Variants in SPACA9 observed in about 807,000 individuals in gnomAD.
SPACA9 encodes the protein sperm acrosome associated 9.
In SPACA9, 14 loss-of-function variants were observed where a neutral mutation model predicts 12.5. The observed-to-expected ratio is 1.12, with a 90% CI of 0.74 to 1.75. SPACA9 has a LOEUF of 1.75. Ranked by LOEUF, SPACA9 falls within the 40% of genes most tolerant of loss-of-function variation. The pLI, the probability that SPACA9 is intolerant of heterozygous loss-of-function variation, is 0.00. For synonymous variants in SPACA9, 111 were observed against 114.1 expected, an observed-to-expected ratio of 0.97 and a Z score of 0.17; for missense variants, 292 against 291.9, an observed-to-expected ratio of 1.00 and a Z score of 0.00.
chr9:132,885,512 CAAAAAAA>C (rs56183351), intron 2 of SPACA9, among the ~76,000 whole-genome samples: 1 of 65,562 alleles, frequency 1.5e-5, no homozygotes, highest in Non-Finnish European at 2.9e-5. Flanking sequence ...GACCCTGTCT[CAAAAAAA>C]AAAAAAAAAA....
Position 132,888,768 on chromosome 9 carries a change from T to C in SPACA9, c.*157T>C, listed in dbSNP as rs1194306763. On this transcript the variant is annotated 3_prime_UTR_variant, in exon 4 of 4. Coordinates refer to ENST00000356311, the MANE Select transcript of SPACA9 (RefSeq NM_001316897.2). The surrounding 1 kb of genome is among the most constrained non-coding windows in gnomAD (Gnocchi z 5.0). Reference sequence around the variant, plus strand: ...GAGACTTCCTCTCTCTCTTCTTGCTTTAACTTCTTTTTTTTTTGAGACGGA... The same window carrying C: ...GAGACTTCCTCTCTCTCTTCTTGCTCTAACTTCTTTTTTTTTTGAGACGGA... 1 of 1,405,500 alleles carries C rather than the reference T, an allele frequency of 7.1e-7. No homozygotes were observed. Among genetic ancestry groups the C allele is most frequent in the African/African-American group, 1.5e-5 (1 of 68,224 alleles). 87.1% of individuals were successfully genotyped at this position (1,405,500 alleles called of 1,614,324 possible). A position where few individuals can be genotyped will look rare whatever the true frequency, so the allele number is the denominator to read the frequency against.
At chr9:132,884,468 C>T (rs1331547051) in intron 2 of SPACA9, among the ~76,000 whole-genome samples, 2 of 152,192 alleles carry the variant, frequency 1.3e-5, no homozygotes, top group Non-Finnish European at 2.9e-5. Context: ...GGATCCTGTC[C>T]TTCCCATCAG....
intron 1 of SPACA9, 94 bp from the exon 2 acceptor site, chr9:132,883,817 A>G (rs1844489787): frequency 6.0e-6 from 6 of 1,003,560 alleles, no homozygotes; most frequent in South Asian, 5.8e-5. Flanking sequence ...GAGAGGGGCC[A>G]TGGGTATCCC....
chr9:132,889,976 A>T lies in SPACA9; in HGVS notation c.*1365A>T, dbSNP rs377453222. ...TCACAGGGGACGACTTAGCTTCTGT[A>T]TTATTGTTGCTTCCTCAGGGGGAGA... is the stretch of plus-strand genomic sequence containing the variant. On this transcript the variant is annotated 3_prime_UTR_variant, in exon 4 of 4. Coordinates refer to ENST00000356311, the MANE Select transcript of SPACA9 (RefSeq NM_001316897.2). 5.3e-6 allele frequency: 8 copies of T among 1,519,254 alleles called. 1 individual carries two copies. The African/African-American group carries it at 8.4e-5, about 16-fold the overall frequency. The allele number at this position is 1,519,254 out of a possible 1,614,324, so 94.1% of individuals were successfully genotyped here.
Position 132,889,200 on chromosome 9 carries a change from A to C in SPACA9, c.*589A>C, listed in dbSNP as rs1404288209. The C allele has an allele frequency of 2.0e-6, 2 of 986,218 alleles. No individual in the cohort carries two copies. Among genetic ancestry groups the C allele is most frequent in the African/African-American group, 3.5e-5 (2 of 57,196 alleles). The allele number at this position is 986,218 out of a possible 1,614,324, so 61.1% of individuals were successfully genotyped here. A position where few individuals can be genotyped will look rare whatever the true frequency, so the allele number is the denominator to read the frequency against. On this transcript the variant is annotated 3_prime_UTR_variant, in exon 4 of 4. Coordinates refer to ENST00000356311, the MANE Select transcript of SPACA9 (RefSeq NM_001316897.2). ...GGTCCCAGGAGGGCACTGAACTGTC[A>C]CCTAGGTCCTCTTTGAGCCACATCC...
In SPACA9 at chr9:132,888,853, C is replaced by T. The variant is rs1307486931; in HGVS notation, c.*242C>T. On this transcript the variant is annotated 3_prime_UTR_variant, in exon 4 of 4. Transcript: ENST00000356311. This position sits in a 1 kb window ranked among gnomAD's most constrained non-coding sequence, Gnocchi z 5.0. Reference sequence around the variant, plus strand: ...CGCAACCTCGGCTCACTGCAACCTCCGCCTCCCAGGTTCACGCCATTCTCC... The same window carrying T: ...CGCAACCTCGGCTCACTGCAACCTCTGCCTCCCAGGTTCACGCCATTCTCC... The T allele has an allele frequency of 1.1e-5, 10 of 902,800 alleles. No individual in the cohort carries two copies. The East Asian group carries it at 2.4e-4, about 21-fold the overall frequency. The allele number at this position is 902,800 out of a possible 1,614,324, so 55.9% of individuals were successfully genotyped here.
intron 1 of SPACA9, among the ~76,000 whole-genome samples, chr9:132,881,209 G>A (rs959420324): frequency 3.2e-4 from 48 of 148,600 alleles, no homozygotes; most frequent in African/African-American, 1.0e-3. Context: ...GAGGATCGCT[G>A]GAGCCCAGGA....
rs772928702 is a variant in SPACA9, at chr9:132,888,243, G to A, written c.348-47G>A. Reference sequence around the variant, plus strand: ...TGTGGCAGCTGCTTGCCACGGCATGGCAAGTCCCGGGAGCATGGGTTCACC... The same window carrying A: ...TGTGGCAGCTGCTTGCCACGGCATGACAAGTCCCGGGAGCATGGGTTCACC... On this transcript the variant is annotated intron_variant, in intron 3 of 3. Coordinates refer to ENST00000356311, the MANE Select transcript of SPACA9 (RefSeq NM_001316897.2). The surrounding 1 kb of genome is among the most constrained non-coding windows in gnomAD (Gnocchi z 5.0). The A allele has an allele frequency of 1.9e-6, 3 of 1,556,510 alleles. No homozygotes were observed. The African/African-American group carries it at 4.1e-5, about 21-fold the overall frequency.
At position 132,884,176 on chromosome 9, in the gene SPACA9, G is replaced by A. The variant is rs112288933; in HGVS notation, c.144+85G>A. The A allele has an allele frequency of 6.8e-6, 10 of 1,466,088 alleles. No homozygotes were observed. In the African/African-American group the frequency reaches 7.1e-5, roughly 10 times the overall value. 90.8% of individuals were successfully genotyped at this position (1,466,088 alleles called of 1,614,324 possible). On this transcript the variant is annotated intron_variant, in intron 2 of 3. Transcript: ENST00000356311. ...AGATGAAACCACTGGGGCCCAGAGA[G>A]GGGAAGGACGTTTGCGCCAGAATTA...
intron 1 of SPACA9, among the ~76,000 whole-genome samples, chr9:132,881,272 G>GAAAAAAAAAAAA (rs776094730): frequency 8.7e-5 from 7 of 80,022 alleles, no homozygotes; most frequent in East Asian, 3.3e-4. Flanking sequence ...CAAAAAAAAA[G>GAAAAAAAAAAAA]AAAAAAAAAA....
rs763634299 is a variant in SPACA9 at position 132,888,916 on chromosome 9, C to T, written c.*305C>T. 1.7e-5 allele frequency: 10 copies of T among 589,446 alleles called. No homozygotes were observed. The highest frequency in any genetic ancestry group is 1.9e-5 in the African/African-American group (1 of 51,644). 36.5% of individuals were successfully genotyped at this position (589,446 alleles called of 1,614,324 possible). On this transcript the variant is annotated 3_prime_UTR_variant, in exon 4 of 4. Transcript: ENST00000356311. This position sits in a 1 kb window ranked among gnomAD's most constrained non-coding sequence, Gnocchi z 5.0. ...CCAAGTAGCTGGGACTACAGGCGCC[C>T]ACCACCTCGCCTGGCTAATTTTTTG...
intron 1 of SPACA9, among the ~76,000 whole-genome samples, chr9:132,881,025 C>G (rs1055579179): frequency 1.3e-5 from 2 of 151,796 alleles, no homozygotes; most frequent in African/African-American, 4.8e-5. Context: ...AGGGTTTCAC[C>G]GTGTTGGCCA....
At chr9:132,878,359 C>G (rs1844252663), upstream of SPACA9, 2 of 1,254,956 alleles carry the variant, frequency 1.6e-6, no homozygotes, top group East Asian at 6.3e-5. This position sits in a 1 kb window ranked among gnomAD's most constrained non-coding sequence, Gnocchi z 4.7. Flanking sequence ...GGCTCCGCGC[C>G]GGGCCCAGAT....
rs573651844 is a variant in SPACA9 at position 132,889,697 on chromosome 9, G to C, written c.*1086G>C. The C allele has an allele frequency of 9.2e-7, 1 of 1,090,494 alleles. No individual in the cohort carries two copies. The highest frequency in any genetic ancestry group is 4.1e-4 in the Middle Eastern group (1 of 2,438). 67.6% of individuals were successfully genotyped at this position (1,090,494 alleles called of 1,614,324 possible). A position where few individuals can be genotyped will look rare whatever the true frequency, so the allele number is the denominator to read the frequency against. On this transcript the variant is annotated 3_prime_UTR_variant, in exon 4 of 4. Coordinates refer to ENST00000356311, the MANE Select transcript of SPACA9 (RefSeq NM_001316897.2). ...CCCAAAGTGCTGGGATTACAGGTGT[G>C]AGCCACGGCACCTGGCCAGAACTCA...
chr9:132,880,932 C>T (rs1441168143), intron 1 of SPACA9, among the ~76,000 whole-genome samples: 3 of 151,466 alleles, frequency 2.0e-5, no homozygotes, highest in African/African-American at 7.3e-5. Flanking sequence ...ACGCCATTCT[C>T]CTGCCTCAGC....
intron 1 of SPACA9, among the ~76,000 whole-genome samples, chr9:132,882,745 C>T (rs1021937039): frequency 1.3e-5 from 2 of 152,184 alleles, no homozygotes; most frequent in African/African-American, 4.8e-5. Context: ...TGGACCTGAG[C>T]TCAGCACAGC....
intron 1 of SPACA9, among the ~76,000 whole-genome samples, chr9:132,880,127 A>G (rs1266247025): frequency 1.3e-5 from 2 of 152,190 alleles, no homozygotes; most frequent in African/African-American, 2.4e-5. Context: ...CTTCCTGGAC[A>G]TTTCTGAAAT....
chr9:132,888,341 C>T lies in SPACA9; in HGVS notation c.399C>T (p.His133=), dbSNP rs1242830987. 6.2e-7 allele frequency: 1 copy of T among 1,614,110 alleles called. No individual in the cohort carries two copies. The highest frequency in any genetic ancestry group is 2.2e-5 in the East Asian group (1 of 44,876). The change falls in exon 4 of 4, where the codon CAC becomes CAT. Residue 133 remains histidine (H), a synonymous_variant. Transcript: ENST00000356311. This position sits in a 1 kb window ranked among gnomAD's most constrained non-coding sequence, Gnocchi z 5.0. ...NHLSCDEARN[H]YGGVVSLIPL... Reference sequence around the variant, plus strand: ...TCAGCTGTGACGAGGCCCGGAACCACTACGGCGGCGTGGTCAGCCTCATCC... The same window carrying T: ...TCAGCTGTGACGAGGCCCGGAACCATTACGGCGGCGTGGTCAGCCTCATCC...
Position 132,878,932 on chromosome 9 carries a change from C to T in SPACA9, c.-120C>T. ...CAAGTCCTGGAACGGGCCTCCCCAC[C>T]CTCCGGGGCACCGACACTCACGGAG... On this transcript the variant is annotated 5_prime_UTR_variant, in exon 1 of 4. Coordinates refer to ENST00000356311, the MANE Select transcript of SPACA9 (RefSeq NM_001316897.2). This position sits in a 1 kb window ranked among gnomAD's most constrained non-coding sequence, Gnocchi z 4.7. 1 of 250,800 alleles carries T rather than the reference C, an allele frequency of 4.0e-6. No individual in the cohort carries two copies. The highest frequency in any genetic ancestry group is 6.3e-6 in the Non-Finnish European group (1 of 158,182). The allele number at this position is 250,800 out of a possible 1,614,324, so 15.5% of individuals were successfully genotyped here. A position where few individuals can be genotyped will look rare whatever the true frequency, so the allele number is the denominator to read the frequency against.
Sources: allele counts gnomAD v4.1 joint callset (sites outside exome capture counted in the v4.1 genomes callset), GRCh38; gene constraint gnomAD v4.1.1; non-coding constraint Gnocchi (gnomAD v3.1); transcripts MANE v1.5; gene names NCBI Gene and HGNC (gene_info 2026-07-23, HGNC 2026-07-21).